Variants in NR1H3 observed in about 807,000 individuals in gnomAD.
NR1H3 encodes oxysterols receptor LXR-alpha.
In NR1H3, 19 loss-of-function variants were observed where a neutral mutation model predicts 48.1. That is an observed-to-expected ratio of 0.40 (90% CI 0.28 to 0.58). NR1H3 has a LOEUF of 0.58. Ranked by LOEUF, NR1H3 falls within the 20% of genes least tolerant of loss-of-function variation. The pLI is 0.50. For synonymous variants in NR1H3, 232 were observed against 227.3 expected, an observed-to-expected ratio of 1.02 and a Z score of -0.19; for missense variants, 486 against 595.9, an observed-to-expected ratio of 0.82 and a Z score of 1.92.
chr11:47,259,702 G>A, intron 2 of NR1H3, 89 bp from the exon 3 acceptor site: 1 of 1,591,422 alleles, frequency 6.3e-7, no homozygotes, highest in Non-Finnish European at 8.5e-7. Context: ...TAAGGGTGGG[G>A]ATAAGTTTGC....
In NR1H3 at chr11:47,260,437, G is replaced by T; in HGVS notation, c.261G>T (p.Gly87=). ...TCCGTCCACAAAAGCGGAAAAAGGGGCCAGCCCCCAAAATGCTGGGGAACG... is the reference window on the plus strand; with the variant it reads ...TCCGTCCACAAAAGCGGAAAAAGGGTCCAGCCCCCAAAATGCTGGGGAACG... ...TEIRPQKRKK[G]PAPKMLGNEL... is the part of the protein sequence containing the mutation. Residue 87 remains glycine, a synonymous_variant, in exon 4 of 10, where the codon GGG becomes GGT. Coordinates refer to ENST00000441012, the MANE Select transcript of NR1H3 (RefSeq NM_005693.4). 1 of 1,613,604 alleles carries T rather than the reference G, an allele frequency of 6.2e-7. No individual in the cohort carries two copies. Among genetic ancestry groups the T allele is most frequent in the South Asian group, 1.1e-5 (1 of 91,074 alleles).
At chr11:47,259,030 A>G in intron 1 of NR1H3, 150 bp from the exon 2 acceptor site, 1 of 1,362,460 alleles carries the variant, frequency 7.3e-7, no homozygotes, top group Non-Finnish European at 9.7e-7. Context: ...TAATAGTAAT[A>G]TAATAAAGCC....
intron 3 of NR1H3, among the ~76,000 whole-genome samples, chr11:47,260,192 A>T (rs748884466): frequency 2.0e-5 from 3 of 152,200 alleles, no homozygotes; most frequent in Non-Finnish European, 2.9e-5. Context: ...AATAAAAATT[A>T]TGGTTGTCAT....
At chr11:47,257,935 G>A, upstream of NR1H3, 3 of 985,398 alleles carry the variant, frequency 3.0e-6, no homozygotes, top group Non-Finnish European at 2.4e-6. Context: ...GGGGTGGCCT[G>A]ACCCCTCGGC....
intron 7 of NR1H3, among the ~76,000 whole-genome samples, chr11:47,266,927 C>T (rs1031320231): frequency 7.2e-5 from 11 of 152,062 alleles, no homozygotes; most frequent in African/African-American, 2.2e-4. Flanking sequence ...AGGCATGAAC[C>T]GCCGTGCCTT....
intron 4 of NR1H3, 24 bp downstream of exon 4, chr11:47,260,699 G>C: frequency 6.4e-7 from 1 of 1,574,006 alleles, no homozygotes. Context: ...GCTGGAGTGG[G>C]GAAGAGGCTG....
chr11:47,268,155 G>T (rs1175048124), intron 8 of NR1H3, 106 bp from the exon 9 acceptor site: 21 of 1,248,340 alleles, frequency 1.7e-5, no homozygotes, highest in Non-Finnish European at 2.4e-5. Flanking sequence ...GTTATTTTAG[G>T]ATGAGAGAGC....
chr11:47,250,931 G>A (rs779076797), intron 1 of NR1H3, among the ~76,000 whole-genome samples: 2 of 152,232 alleles, frequency 1.3e-5, no homozygotes, highest in South Asian at 2.1e-4. Flanking sequence ...AGGCCGAGGC[G>A]GGTGGATCAC....
chr11:47,261,732 TGGAGAAGGGCAAGGGATGAAG>T lies in NR1H3; in HGVS notation c.888+14_888+34del. ...TGAAGACCTCTGCGATCGAGGTGGC[TGGAGAAGGGCAAGGGATGAAG>T]GGAGAAGCAGAGTGGGATTATCTGT... On this transcript the variant is annotated splice_region_variant and intron_variant, in intron 6 of 9. Transcript: ENST00000441012. The T allele has an allele frequency of 6.2e-7, 1 of 1,613,974 alleles. No homozygotes were observed. The highest frequency in any genetic ancestry group is 8.5e-7 in the Non-Finnish European group (1 of 1,180,030).
At chr11:47,268,148 AT>A in intron 8 of NR1H3, 112 bp from the exon 9 acceptor site, 1 of 1,235,602 alleles carries the variant, frequency 8.1e-7, no homozygotes, top group Non-Finnish European at 1.2e-6. Flanking sequence ...TTGCTGTGTT[AT>A]TTTAGGATGA....
upstream of NR1H3, among the ~76,000 whole-genome samples, chr11:47,255,736 C>T (rs377534996): frequency 6.0e-5 from 9 of 150,896 alleles, no homozygotes; most frequent in South Asian, 6.3e-4. Context: ...GGCGCGATCT[C>T]GGGTCATTGC....
At chr11:47,263,585 C>CTTTTTCTTTT (rs1373772310) in intron 7 of NR1H3, among the ~76,000 whole-genome samples, 1 of 150,038 alleles carries the variant, frequency 6.7e-6, no homozygotes, top group Non-Finnish European at 1.5e-5. Flanking sequence ...CTCCCCTACT[C>CTTTTTCTTTT]TTTTTCTTTT....
In NR1H3 at chr11:47,261,375, G is replaced by T. The variant is rs182303471; in HGVS notation, c.634G>T (p.Gly212Cys). The stretch of plus-strand genomic sequence containing the variant: ...GCCCCAGCTCAGCCCGGAACAACTG[G>T]GCATGATCGAGAAGCTCGTCGCTGC... ...ILPQLSPEQLGMIEKLVAAQQ... is the reference protein window; with the variant it reads ...ILPQLSPEQLCMIEKLVAAQQ... The change falls in exon 5 of 10, where the codon GGC (glycine) becomes TGC (cysteine). Residue 212 changes from glycine to cysteine, a missense_variant. Transcript: ENST00000441012. 1.2e-6 allele frequency: 2 copies of T among 1,614,010 alleles called. No individual in the cohort carries two copies. The highest frequency in any genetic ancestry group is 3.3e-5 in the Admixed American group (2 of 59,992).
At chr11:47,252,613 G>A (rs540619598) in intron 1 of NR1H3, among the ~76,000 whole-genome samples, 6 of 150,210 alleles carry the variant, frequency 4.0e-5, no homozygotes, top group South Asian at 4.2e-4. Context: ...TCCCACTGTC[G>A]CCCAGGCTGG....
chr11:47,248,695 C>G (rs967807605), upstream of NR1H3: 35 of 1,612,028 alleles, frequency 2.2e-5, no homozygotes, highest in Non-Finnish European at 3.0e-5. Context: ...GAAGCGCAGA[C>G]TCCGGGCCCG....
chr11:47,259,384 G>GTCGT (rs1955572650), intron 2 of NR1H3, 125 bp downstream of exon 2: 1 of 1,598,068 alleles, frequency 6.3e-7, no homozygotes, highest in African/African-American at 1.3e-5. Context: ...GTCATTCTTA[G>GTCGT]TCGTGCTTGC....
At chr11:47,262,115 C>T (rs1275979014) in intron 7 of NR1H3, 97 bp downstream of exon 7, 5 of 872,528 alleles carry the variant, frequency 5.7e-6, no homozygotes, top group Non-Finnish European at 8.9e-6. Flanking sequence ...CGCGGTGGCT[C>T]ATGCCTGTAA....
At chr11:47,252,478 C>T (rs1472503171) in intron 1 of NR1H3, among the ~76,000 whole-genome samples, 7 of 151,906 alleles carry the variant, frequency 4.6e-5, no homozygotes, top group East Asian at 3.9e-4. Context: ...AGGCTGGTCT[C>T]GAACTCCCGA....
intron 2 of NR1H3, 195 bp from the exon 3 acceptor site, chr11:47,259,595 AG>A: frequency 6.9e-7 from 1 of 1,451,542 alleles, no homozygotes; most frequent in Non-Finnish European, 9.0e-7. Flanking sequence ...TCTTCATTTA[AG>A]GTCCTGAGAT....
Sources: gnomAD v4.1 joint callset for allele counts (sites outside exome capture counted in the v4.1 genomes callset) on GRCh38, gnomAD v4.1.1 for gene constraint, MANE v1.5 for transcripts, NCBI Gene and HGNC (gene_info 2026-07-23, HGNC 2026-07-21) for gene names.